Variants in FLRT2 observed in about 807,000 individuals in gnomAD.
The protein encoded by FLRT2 is leucine-rich repeat transmembrane protein FLRT2.
FLRT2 carries 15 observed loss-of-function variants against 40.0 expected under a neutral mutation model. That is an observed-to-expected ratio of 0.38 (90% CI 0.25 to 0.58). The LOEUF (loss-of-function observed/expected upper bound fraction) is 0.58. Among genes scored for constraint, FLRT2 ranks in the 20% least tolerant of loss-of-function variants. FLRT2 has a pLI of 0.71. For synonymous variants in FLRT2, 380 were observed against 336.8 expected, an observed-to-expected ratio of 1.13 and a Z score of -1.41; for missense variants, 726 against 840.0, an observed-to-expected ratio of 0.86 and a Z score of 1.68.
At position 85,622,223 on chromosome 14, in the gene FLRT2, A is replaced by G. The variant is rs1199413737; in HGVS notation, c.709A>G (p.Ile237Val). 18 of 1,614,128 alleles carry G rather than the reference A, an allele frequency of 1.1e-5. No homozygotes were observed. Among genetic ancestry groups the G allele is most frequent in the African/African-American group, 2.7e-5 (2 of 75,024 alleles). The change falls in exon 2 of 2, where the codon ATT becomes GTT. Residue 237 changes from isoleucine to valine, a missense_variant. Around this residue, in one of 3 missense-constraint regions of FLRT2, gnomAD observed 611 missense variants for 690.0 expected, o/e 0.89. Coordinates refer to ENST00000330753, the MANE Select transcript of FLRT2 (RefSeq NM_013231.6). ...TCTCACCAAGCTCAAGGAATTTTCA[A>G]TTGTACGTAATTCGCTGTCCCACCC... ...SHLTKLKEFSIVRNSLSHPPP... is the reference protein window; with the variant it reads ...SHLTKLKEFSVVRNSLSHPPP...
At chr14:85,553,843 G>C (rs147933669) in intron 1 of FLRT2, among the ~76,000 whole-genome samples, 2 of 152,262 alleles carry the variant, frequency 1.3e-5, no homozygotes, top group African/African-American at 4.8e-5. Context: ...TGAAGAAATA[G>C]CATTAACAGA....
chr14:85,635,522 A>C lies in FLRT2; in HGVS notation c.*12025A>C, dbSNP rs1595108216. ...ATTGTATAAAAAATTGTTTATTAAA[A>C]TATTAAATATTTTATGTTTTCAAGC... On this transcript the variant is annotated 3_prime_UTR_variant, in exon 2 of 2. Transcript: ENST00000330753. The C allele has an allele frequency of 6.6e-6, 1 of 152,252 alleles. No homozygotes were observed. Among genetic ancestry groups the C allele is most frequent in the East Asian group, 1.9e-4 (1 of 5,192 alleles). The allele number at this position is 152,252 out of a possible 1,614,324, so 9.4% of individuals were successfully genotyped here. A position where few individuals can be genotyped will look rare whatever the true frequency, so the allele number is the denominator to read the frequency against.
intron 1 of FLRT2, among the ~76,000 whole-genome samples, chr14:85,539,365 T>G (rs922910040): frequency 2.3e-4 from 15 of 66,612 alleles, no homozygotes; most frequent in African/African-American, 6.8e-4. Flanking sequence ...AGTTGTTTGT[T>G]TTCGTTGGAA....
chr14:85,573,596 C>A (rs1179615900), intron 1 of FLRT2, among the ~76,000 whole-genome samples: 4 of 152,104 alleles, frequency 2.6e-5, no homozygotes, highest in African/African-American at 7.2e-5. Context: ...GTGTGCCAAC[C>A]CTTTCAGCTG....
At chr14:85,568,844 A>G (rs1890757459) in intron 1 of FLRT2, among the ~76,000 whole-genome samples, 1 of 152,190 alleles carries the variant, frequency 6.6e-6, no homozygotes, top group African/African-American at 2.4e-5. Flanking sequence ...TCAGAAGTTA[A>G]CATATGTGGT....
intron 1 of FLRT2, among the ~76,000 whole-genome samples, chr14:85,543,910 C>A (rs1889125476): frequency 6.6e-6 from 1 of 152,066 alleles, no homozygotes; most frequent in South Asian, 2.1e-4. Context: ...TAAAATGTGT[C>A]TGCTTACATG....
At chr14:85,557,273 T>C (rs1341325047) in intron 1 of FLRT2, among the ~76,000 whole-genome samples, 1 of 152,122 alleles carries the variant, frequency 6.6e-6, no homozygotes, top group Non-Finnish European at 1.5e-5. Context: ...TCTGAAGCTT[T>C]TTTTAATTAG....
In FLRT2 at chr14:85,577,528, T is replaced by C. The variant is rs562899949; in HGVS notation, c.-376-43611T>C. Among the ~76,000 whole-genome samples the C allele has an allele frequency of 5.8e-4, 88 of 152,288 alleles. 1 individual carries two copies. The highest frequency in any genetic ancestry group is 2.0e-3 in the African/African-American group (82 of 41,572). ...GTTTTCTAGGCAGTCTCCTCTCTTT[T>C]AGTCTGGCTATTAGCCTCTGAGGAC... On this transcript the variant is annotated intron_variant, in intron 1 of 1. Transcript: ENST00000330753.
chr14:85,642,535 G>C lies in FLRT2; in HGVS notation c.*19038G>C, dbSNP rs1465079459. 6.6e-6 allele frequency: 1 copy of C among 151,344 alleles called. No individual in the cohort carries two copies. The highest frequency in any genetic ancestry group is 1.5e-5 in the Non-Finnish European group (1 of 68,038). 9.4% of individuals were successfully genotyped at this position (151,344 alleles called of 1,614,324 possible). A position where few individuals can be genotyped will look rare whatever the true frequency, so the allele number is the denominator to read the frequency against. On this transcript the variant is annotated 3_prime_UTR_variant, in exon 2 of 2. Coordinates refer to ENST00000330753, the MANE Select transcript of FLRT2 (RefSeq NM_013231.6). ...GGGCTTAAATATGAAGTATAAACTG[G>C]GAAGAAAAGGCTAAAATAACAACAA...
In FLRT2 at chr14:85,572,619, T is replaced by C. The variant is rs188379807; in HGVS notation, c.-377+42085T>C. On this transcript the variant is annotated intron_variant, in intron 1 of 1. Transcript: ENST00000330753. ...TCTTTTATAGCTCATTTTTCCTGCATGTTGCTAGGCACAGAGTAAGTTTTG... is the reference window on the plus strand; with the variant it reads ...TCTTTTATAGCTCATTTTTCCTGCACGTTGCTAGGCACAGAGTAAGTTTTG... Among the ~76,000 whole-genome samples the C allele has an allele frequency of 1.1e-4, 16 of 152,326 alleles. No individual in the cohort carries two copies. In the East Asian group the frequency reaches 3.1e-3, roughly 29 times the overall value.
Position 85,622,670 on chromosome 14 carries a change from C to T in FLRT2, c.1156C>T (p.Leu386Phe), listed in dbSNP as rs1893457501. Residue 386 changes from leucine (L) to phenylalanine (F), a missense_variant, in exon 2 of 2, where the codon CTC (leucine) becomes TTC (phenylalanine). Transcript: ENST00000330753. The stretch of plus-strand genomic sequence containing the variant: ...TTCTCCGACCACTCAGCCTCCCACC[C>T]TCTCTATTCCAAACCCTAGCAGAAG... Reference protein sequence around the residue: ...TASPTTQPPTLSIPNPSRSYT... With the variant: ...TASPTTQPPTFSIPNPSRSYT... The T allele has an allele frequency of 1.9e-6, 3 of 1,613,900 alleles. No individual in the cohort carries two copies. Among genetic ancestry groups the T allele is most frequent in the Admixed American group, 1.7e-5 (1 of 60,002 alleles).
chr14:85,577,428 C>T (rs116919191), intron 1 of FLRT2, among the ~76,000 whole-genome samples: 2,187 of 152,196 alleles, frequency 0.014, 31 homozygotes, highest in Admixed American at 0.025. Context: ...GTCACAAGCT[C>T]ACTGCTGCTG....
Position 85,638,702 on chromosome 14 carries a change from C to G in FLRT2, c.*15205C>G, listed in dbSNP as rs1894071205. On this transcript the variant is annotated 3_prime_UTR_variant, in exon 2 of 2. Transcript: ENST00000330753. ...CCAAGGGATTTCTTTACTTATTGAG[C>G]AGAGCGAAGTAACATTAATTTGTGT... The G allele has an allele frequency of 6.6e-6, 1 of 152,148 alleles. No homozygotes were observed. Among genetic ancestry groups the G allele is most frequent in the South Asian group, 2.1e-4 (1 of 4,822 alleles). The allele number at this position is 152,148 out of a possible 1,614,324, so 9.4% of individuals were successfully genotyped here. A position where few individuals can be genotyped will look rare whatever the true frequency, so the allele number is the denominator to read the frequency against.
At chr14:85,554,366 C>T (rs1889829430) in intron 1 of FLRT2, among the ~76,000 whole-genome samples, 1 of 152,168 alleles carries the variant, frequency 6.6e-6, no homozygotes, top group South Asian at 2.1e-4. Context: ...GACGTATGTG[C>T]TTCATTTTCT....
At chr14:85,614,792 T>C (rs73321571) in intron 1 of FLRT2, among the ~76,000 whole-genome samples, 1,559 of 152,208 alleles carry the variant, frequency 0.01, 19 homozygotes, top group African/African-American at 0.036. Flanking sequence ...TTCCCAAAGG[T>C]TACTGTCTAA....
At chr14:85,555,706 ATTTTATT>A (rs1566725173) in intron 1 of FLRT2, among the ~76,000 whole-genome samples, 2 of 149,680 alleles carry the variant, frequency 1.3e-5, no homozygotes, top group African/African-American at 2.5e-5. Context: ...ATTTTATTTT[ATTTTATT>A]TTATTTTATT....
At chr14:85,535,366 A>C (rs1464293551) in intron 1 of FLRT2, among the ~76,000 whole-genome samples, 2 of 144,090 alleles carry the variant, frequency 1.4e-5, no homozygotes, top group African/African-American at 2.6e-5. Context: ...AAAAAAAAAA[A>C]CAACAACATT....
chr14:85,543,074 A>T (rs1244692233), intron 1 of FLRT2, among the ~76,000 whole-genome samples: 1 of 152,192 alleles, frequency 6.6e-6, no homozygotes, highest in Non-Finnish European at 1.5e-5. Flanking sequence ...CAACACATTT[A>T]ACCCTGTAAG....
intron 1 of FLRT2, among the ~76,000 whole-genome samples, chr14:85,540,592 G>A (rs748503081): frequency 1.3e-5 from 2 of 152,086 alleles, no homozygotes; most frequent in African/African-American, 2.4e-5. Context: ...AAAATACGTG[G>A]TTGGATCCCG....
Sources: gnomAD v4.1 joint callset for allele counts (sites outside exome capture counted in the v4.1 genomes callset) on GRCh38, gnomAD v4.1.1 for gene constraint, gnomAD v4.1.1 regional missense constraint, MANE v1.5 for transcripts, NCBI Gene and HGNC (gene_info 2026-07-23, HGNC 2026-07-21) for gene names.